Variants in CUL3 observed in about 807,000 individuals in gnomAD.
CUL3 encodes cullin-3.
In CUL3, 19 loss-of-function variants were observed where a neutral mutation model predicts 89.1. The observed-to-expected ratio is 0.21, with a 90% confidence interval of 0.15 to 0.31. The LOEUF (loss-of-function observed/expected upper bound fraction) is 0.31, where lower values mean the gene tolerates loss of function less well. Among genes scored for constraint, CUL3 ranks in the 10% least tolerant of loss-of-function variants. CUL3 has a pLI of 1.00. For missense variants in CUL3, 469 were observed against 942.3 expected, an observed-to-expected ratio of 0.50 and a Z score of 6.58; for synonymous variants, 351 against 308.4, an observed-to-expected ratio of 1.14 and a Z score of -1.45.
At chr2:224,557,898 A>AC (rs1156832183) in intron 1 of CUL3, 42 bp from the exon 2 acceptor site, 2 of 1,138,142 alleles carry the variant, frequency 1.8e-6, no homozygotes, top group African/African-American at 3.2e-5. Context: ...AAAAAAAAAA[A>AC]AAAAAAACCA....
chr2:224,514,139 C>A (rs968860444), intron 4 of CUL3, among the ~76,000 whole-genome samples: 2 of 152,184 alleles, frequency 1.3e-5, no homozygotes, highest in African/African-American at 4.8e-5. Context: ...GCCACTTTAG[C>A]TGCAGCATCA....
At chr2:224,584,584 G>A (rs1212793922) in intron 1 of CUL3, among the ~76,000 whole-genome samples, 2 of 151,982 alleles carry the variant, frequency 1.3e-5, no homozygotes, top group African/African-American at 4.8e-5. Context: ...ACACAGGGAG[G>A]ACTCCGCGGC....
intron 3 of CUL3, among the ~76,000 whole-genome samples, chr2:224,531,085 A>G (rs1460114529): frequency 7.3e-6 from 1 of 136,714 alleles, no homozygotes; most frequent in Non-Finnish European, 1.6e-5. Context: ...AACCTAAAAT[A>G]GCCTTTTTTT....
Position 224,501,947 on chromosome 2 carries a change from A to G in CUL3, c.1485+1018T>C, listed in dbSNP as rs17408174. Among the ~76,000 whole-genome samples, 129 of 152,196 alleles carry G rather than the reference A, an allele frequency of 8.5e-4. 1 individual carries two copies. The Middle Eastern group carries it at 0.024, about 28-fold the overall frequency. ...ATATTAGATTTAACTATAAATTCCT[A>G]AACAATCTAAAAATAAAAATCCAGG... On this transcript the variant is annotated intron_variant, in intron 10 of 15. Coordinates refer to ENST00000264414, the MANE Select transcript of CUL3 (RefSeq NM_003590.5).
At chr2:224,561,664 T>C (rs1315021792) in intron 1 of CUL3, among the ~76,000 whole-genome samples, 2 of 152,210 alleles carry the variant, frequency 1.3e-5, no homozygotes, top group African/African-American at 4.8e-5. Context: ...TGTAAAAGAA[T>C]TTACCCCTAC....
intron 1 of CUL3, among the ~76,000 whole-genome samples, chr2:224,562,074 C>A (rs1250727593): frequency 1.3e-5 from 2 of 152,030 alleles, no homozygotes; most frequent in African/African-American, 4.8e-5. Flanking sequence ...ATGTCTCTAC[C>A]CAGAGTAAAT....
chr2:224,535,001 AAAATAAATAAATAAATAAATAAATAAAT>A (rs201253756), intron 3 of CUL3, among the ~76,000 whole-genome samples: 2,435 of 133,162 alleles, frequency 0.018, 59 homozygotes, highest in Admixed American at 0.064. Flanking sequence ...ACCCCGTCTC[AAAATAAATAAATAAATAAATAAATAAAT>A]AAATAAATAA....
chr2:224,536,034 T>C (rs1165700889), intron 2 of CUL3, among the ~76,000 whole-genome samples: 2 of 152,178 alleles, frequency 1.3e-5, no homozygotes, highest in African/African-American at 2.4e-5. Flanking sequence ...AGAATACTGA[T>C]TTTGGAGTCA....
Position 224,585,191 on chromosome 2 carries a change from CG to C in CUL3, c.-183del. ...GCGGCGGCGGGGGCGGCGGCGGCGG[CG>C]GCGGCGGCTCGGACTCTGGCGACTC... is the stretch of plus-strand genomic sequence containing the variant. On this transcript the variant is annotated 5_prime_UTR_variant, in exon 1 of 16. Coordinates refer to ENST00000264414, the MANE Select transcript of CUL3 (RefSeq NM_003590.5). 3.3e-6 allele frequency: 1 copy of C among 301,402 alleles called. No individual in the cohort carries two copies. Among genetic ancestry groups the C allele is most frequent in the Non-Finnish European group, 5.7e-6 (1 of 176,464 alleles). 18.7% of individuals were successfully genotyped at this position (301,402 alleles called of 1,614,324 possible).
chr2:224,487,995 C>T (rs898498035), intron 13 of CUL3, among the ~76,000 whole-genome samples: 3 of 152,166 alleles, frequency 2.0e-5, no homozygotes, highest in Non-Finnish European at 4.4e-5. Flanking sequence ...TCCTGAATGA[C>T]TAGTGGGTAA....
chr2:224,565,483 CTT>C (rs1305920733), intron 1 of CUL3, among the ~76,000 whole-genome samples: 2 of 152,216 alleles, frequency 1.3e-5, no homozygotes, highest in African/African-American at 2.4e-5. Flanking sequence ...ATTTGCCTGA[CTT>C]TTCTGCTTTT....
intron 1 of CUL3, among the ~76,000 whole-genome samples, chr2:224,573,902 G>A (rs1447047049): frequency 6.6e-6 from 1 of 152,178 alleles, no homozygotes; most frequent in Non-Finnish European, 1.5e-5. Context: ...CCACAAGTCA[G>A]ACATTCAACA....
intron 1 of CUL3, chr2:224,563,162 G>A (rs1334750014): frequency 4.5e-6 from 2 of 441,118 alleles, no homozygotes; most frequent in Admixed American, 5.6e-5. Flanking sequence ...TAAAACAAAG[G>A]CACCTTAAGA....
intron 1 of CUL3, among the ~76,000 whole-genome samples, chr2:224,577,748 T>C (rs1695336257): frequency 6.6e-6 from 1 of 152,202 alleles, no homozygotes; most frequent in Admixed American, 6.5e-5. Flanking sequence ...AGTTTTATTC[T>C]CCTAAGTAGT....
chr2:224,476,790 T>G (rs1287267582), intron 15 of CUL3, among the ~76,000 whole-genome samples: 1 of 152,220 alleles, frequency 6.6e-6, no homozygotes, highest in Admixed American at 6.5e-5. Flanking sequence ...ATCCATTCTT[T>G]ATTCATAGGA....
intron 1 of CUL3, among the ~76,000 whole-genome samples, chr2:224,576,146 A>G (rs1343689507): frequency 6.6e-6 from 1 of 152,158 alleles, no homozygotes; most frequent in African/African-American, 2.4e-5. Flanking sequence ...GTGGCAATAA[A>G]CCACATCTGG....
Position 224,506,141 on chromosome 2 carries a change from T to C in CUL3, c.1030-9A>G. On this transcript the variant is annotated splice_polypyrimidine_tract_variant and intron_variant, in intron 7 of 15. Transcript: ENST00000264414. Reference sequence around the variant, plus strand: ...TTCAGATCCAATAAGCCCTTAGAAATAAAAACAAAATTTAGGACACATTAT... The same window carrying C: ...TTCAGATCCAATAAGCCCTTAGAAACAAAAACAAAATTTAGGACACATTAT... 1 of 1,550,546 alleles carries C rather than the reference T, an allele frequency of 6.4e-7. No individual in the cohort carries two copies. Among genetic ancestry groups the C allele is most frequent in the South Asian group, 1.3e-5 (1 of 78,844 alleles).
intron 2 of CUL3, among the ~76,000 whole-genome samples, chr2:224,546,706 C>T (rs1694317755): frequency 6.6e-6 from 1 of 151,682 alleles, no homozygotes; most frequent in Non-Finnish European, 1.5e-5. Flanking sequence ...GTCTACCTAA[C>T]AACTTAAGCA....
chr2:224,577,044 G>A (rs754807667), intron 1 of CUL3, among the ~76,000 whole-genome samples: 7 of 152,140 alleles, frequency 4.6e-5, no homozygotes, highest in Non-Finnish European at 8.8e-5. Flanking sequence ...TGACAGGATC[G>A]CTAAAATAAG....
Sources: gnomAD v4.1 joint callset for allele counts (sites outside exome capture counted in the v4.1 genomes callset) on GRCh38, gnomAD v4.1.1 for gene constraint, MANE v1.5 for transcripts, NCBI Gene and HGNC (gene_info 2026-07-23, HGNC 2026-07-21) for gene names.